Variants in TTC28 observed in about 807,000 individuals in gnomAD.
TTC28 encodes the protein tetratricopeptide repeat domain 28.
A neutral mutation model predicts 198.0 loss-of-function variants in TTC28; 61 were observed. The observed-to-expected ratio is 0.31, with a 90% CI of 0.25 to 0.38. The LOEUF (loss-of-function observed/expected upper bound fraction) is 0.38, where lower values mean the gene tolerates loss of function less well. TTC28 is among the 10% of genes least tolerant of loss of function. The pLI, the probability that TTC28 is intolerant of heterozygous loss-of-function variation, is 1.00. For synonymous variants in TTC28, 1,171 were observed against 1,297.8 expected (o/e 0.90, Z 2.10); for missense variants, 2,678 against 3,164.0 (o/e 0.85, Z 3.69).
At chr22:28,281,240 G>A (rs2044577032) in intron 5 of TTC28, among the ~76,000 whole-genome samples, 1 of 151,854 alleles carries the variant, frequency 6.6e-6, no homozygotes, top group African/African-American at 2.4e-5. Flanking sequence ...ACATATGTAA[G>A]ACCATTTGAT....
intron 3 of TTC28, among the ~76,000 whole-genome samples, chr22:28,300,725 T>C (rs1366124387): frequency 1.3e-5 from 2 of 152,294 alleles, no homozygotes; most frequent in Admixed American, 1.3e-4. Context: ...GTCTTTGCTA[T>C]TTTCTGAGAG....
rs1932140379 is a variant in TTC28 at position 28,272,307 on chromosome 22, G to A, written c.933+23891C>T. 2.0e-5 allele frequency among the ~76,000 whole-genome samples: 3 copies of A among 152,170 alleles called. No individual in the cohort carries two copies. The South Asian group carries it at 6.2e-4, about 32-fold the overall frequency. ...AATTGATTTTATAGAATGCTGGTTAGACATGGTTTATGACCTCGGGAAGTG... is the reference window on the plus strand; with the variant it reads ...AATTGATTTTATAGAATGCTGGTTAAACATGGTTTATGACCTCGGGAAGTG... On this transcript the variant is annotated intron_variant, in intron 5 of 22. Transcript: ENST00000397906.
Position 28,522,526 on chromosome 22 carries a change from G to A in TTC28, c.381+107026C>T, listed in dbSNP as rs1162667643. Among the ~76,000 whole-genome samples, 13 of 149,018 alleles carry A rather than the reference G, an allele frequency of 8.7e-5. No individual in the cohort carries two copies. In the East Asian group the frequency reaches 2.4e-3, roughly 27 times the overall value. On this transcript the variant is annotated intron_variant, in intron 2 of 22. Coordinates refer to ENST00000397906, the MANE Select transcript of TTC28 (RefSeq NM_001145418.2). ...AAAACTGAGACACAGAAAATACTGA[G>A]AGAAAGACTGAAAATTGCAGTAGAG...
chr22:28,175,361 A>G (rs1378540904), intron 5 of TTC28, among the ~76,000 whole-genome samples: 2 of 152,224 alleles, frequency 1.3e-5, no homozygotes, highest in Non-Finnish European at 1.5e-5. Flanking sequence ...CAAACTATAC[A>G]CCTGATAAGG....
At chr22:28,461,319 T>C (rs1440079256) in intron 2 of TTC28, among the ~76,000 whole-genome samples, 1 of 152,230 alleles carries the variant, frequency 6.6e-6, no homozygotes, top group Non-Finnish European at 1.5e-5. Context: ...AATGCCATTA[T>C]ACCTCTCAGT....
intron 2 of TTC28, among the ~76,000 whole-genome samples, chr22:28,562,932 G>C (rs959940736): frequency 6.6e-6 from 1 of 152,162 alleles, no homozygotes; most frequent in African/African-American, 2.4e-5. Context: ...AGACCAGCCT[G>C]GGCAACATAG....
intron 2 of TTC28, among the ~76,000 whole-genome samples, chr22:28,355,038 A>G (rs970983721): frequency 5.5e-5 from 8 of 144,698 alleles, no homozygotes; most frequent in Non-Finnish European, 1.0e-4. Context: ...GGATCTCTAA[A>G]TAATCTCAAA....
chr22:28,312,154 A>G (rs571110350), intron 2 of TTC28, among the ~76,000 whole-genome samples: 2 of 152,340 alleles, frequency 1.3e-5, no homozygotes, highest in South Asian at 4.1e-4. Flanking sequence ...CAATTCAACA[A>G]GAAGAGCTAA....
chr22:28,651,249 T>C (rs181024061), intron 1 of TTC28, among the ~76,000 whole-genome samples: 41 of 152,306 alleles, frequency 2.7e-4, no homozygotes, highest in African/African-American at 8.7e-4. Context: ...GTCTCCCACC[T>C]TGGCCTCCCA....
chr22:28,187,560 C>CA (rs2147118410), intron 5 of TTC28, among the ~76,000 whole-genome samples: 1 of 152,292 alleles, frequency 6.6e-6, no homozygotes, highest in South Asian at 2.1e-4. Flanking sequence ...TCAGCACATC[C>CA]AGATGTGTCC....
intron 14 of TTC28, among the ~76,000 whole-genome samples, chr22:28,010,309 C>T (rs1938098765): frequency 6.6e-6 from 1 of 152,200 alleles, no homozygotes; most frequent in South Asian, 2.1e-4. Flanking sequence ...CTTCCTAGCA[C>T]CCCTACAGGA....
rs398040471 is a variant in TTC28 at position 28,567,479 on chromosome 22, C to CATATATATATATATATATATAT, written c.381+62051_381+62072dup. On this transcript the variant is annotated intron_variant, in intron 2 of 22. Transcript: ENST00000397906. ...CACACCACACGCATATACATACATA[C>CATATATATATATATATATATAT]ATATATATATATATATATATATATA... is the stretch of plus-strand genomic sequence containing the variant. Among the ~76,000 whole-genome samples, 322 of 51,088 alleles carry CATATATATATATATATATATAT rather than the reference C, an allele frequency of 6.3e-3. 38 individuals are homozygous for CATATATATATATATATATATAT. The highest frequency in any genetic ancestry group is 7.7e-3 in the East Asian group (8 of 1,034). The allele number at this position is 51,088 out of a possible 152,430, so 33.5% of individuals were successfully genotyped here. A position where few individuals can be genotyped will look rare whatever the true frequency, so the allele number is the denominator to read the frequency against.
chr22:28,357,103 T>C (rs2046089088), intron 2 of TTC28, among the ~76,000 whole-genome samples: 1 of 152,046 alleles, frequency 6.6e-6, no homozygotes, highest in East Asian at 1.9e-4. Flanking sequence ...TTTTACAGAT[T>C]AAAAAACTGA....
intron 5 of TTC28, among the ~76,000 whole-genome samples, chr22:28,239,924 G>C (rs1929545002): frequency 6.6e-6 from 1 of 152,136 alleles, no homozygotes; most frequent in Non-Finnish European, 1.5e-5. Context: ...ATTGCTTCTA[G>C]ACCAGGGTTT....
Position 27,982,806 on chromosome 22 carries a change from T to C in TTC28, c.6861A>G (p.Lys2287=). The C allele has an allele frequency of 6.5e-7, 1 of 1,543,170 alleles. No homozygotes were observed. The highest frequency in any genetic ancestry group is 1.4e-5 in the African/African-American group (1 of 72,772). Reference sequence around the variant, plus strand: ...TGTAAGGAGAGCTGGGGTACTTCAGTTTAAAGAGAGGCTGGTCCAGCTGGG... The same window carrying C: ...TGTAAGGAGAGCTGGGGTACTTCAGCTTAAAGAGAGGCTGGTCCAGCTGGG... The part of the protein sequence containing the change: ...QTSQLDQPLF[K]LKYPSSPYSA... The change falls in exon 23 of 23, where the codon AAA becomes AAG. Residue 2287 remains lysine (K), a synonymous_variant. Coordinates refer to ENST00000397906, the MANE Select transcript of TTC28 (RefSeq NM_001145418.2). This position sits in a 1 kb window ranked among gnomAD's most constrained non-coding sequence, Gnocchi z 5.2.
chr22:28,133,696 TAAAC>T (rs1386950266), intron 6 of TTC28, among the ~76,000 whole-genome samples: 1 of 152,008 alleles, frequency 6.6e-6, no homozygotes. Context: ...CTTGAGTAGG[TAAAC>T]AAAGTGGCTG....
intron 2 of TTC28, among the ~76,000 whole-genome samples, chr22:28,558,491 T>C (rs1019573924): frequency 1.3e-5 from 2 of 151,132 alleles, no homozygotes; most frequent in Admixed American, 6.6e-5. Flanking sequence ...CTGACCAACA[T>C]GGTGCAACCC....
intron 2 of TTC28, among the ~76,000 whole-genome samples, chr22:28,348,268 T>C (rs1160144430): frequency 2.0e-5 from 3 of 152,210 alleles, no homozygotes; most frequent in Admixed American, 1.3e-4. Flanking sequence ...CCCACGTGCA[T>C]GGAGGCCCTC....
At chr22:28,123,755 G>A (rs1276090534) in intron 6 of TTC28, among the ~76,000 whole-genome samples, 2 of 152,076 alleles carry the variant, frequency 1.3e-5, no homozygotes, top group African/African-American at 2.4e-5. Context: ...GGCCGAGGCG[G>A]GTGGATTGCT....
Sources: gnomAD v4.1 joint callset for allele counts (sites outside exome capture counted in the v4.1 genomes callset) on GRCh38, gnomAD v4.1.1 for gene constraint, Gnocchi (gnomAD v3.1) non-coding constraint, MANE v1.5 for transcripts, NCBI Gene and HGNC (gene_info 2026-07-23, HGNC 2026-07-21) for gene names.